TANC2: variants seen among roughly 807,000 people sequenced by gnomAD.
The protein encoded by TANC2 is protein TANC2.
A neutral mutation model predicts 210.5 loss-of-function variants in TANC2; 26 were observed. That is an observed-to-expected ratio of 0.12 (90% CI 0.09 to 0.17). The LOEUF is 0.17. Among genes scored for constraint, TANC2 ranks in the 10% least tolerant of loss-of-function variants. The pLI is 1.00. For missense variants in TANC2, 2,129 were observed against 2,608.9 expected (o/e 0.82, Z 4.01); for synonymous variants, 931 against 967.1 (o/e 0.96, Z 0.69).
At chr17:63,357,277 AC>A (rs1281454375) in intron 14 of TANC2, among the ~76,000 whole-genome samples, 1 of 152,230 alleles carries the variant, frequency 6.6e-6, no homozygotes, top group Non-Finnish European at 1.5e-5. Context: ...CAACCAGACT[AC>A]CACTGAATTA....
intron 9 of TANC2, among the ~76,000 whole-genome samples, chr17:63,279,089 C>T (rs2043981931): frequency 6.6e-6 from 1 of 152,082 alleles, no homozygotes; most frequent in Non-Finnish European, 1.5e-5. Flanking sequence ...TAGCTTTGTG[C>T]TTTAATTAGC....
At chr17:63,106,378 G>A (rs2037823348) in intron 4 of TANC2, among the ~76,000 whole-genome samples, 1 of 151,638 alleles carries the variant, frequency 6.6e-6, no homozygotes, top group Non-Finnish European at 1.5e-5. Context: ...GGGATTTATA[G>A]CTAAGGAGCA....
chr17:63,032,995 A>G (rs1203821362), intron 2 of TANC2, among the ~76,000 whole-genome samples: 4 of 152,160 alleles, frequency 2.6e-5, no homozygotes, highest in Admixed American at 1.3e-4. Context: ...GCTCACAGAA[A>G]TCAGGAAGAC....
intron 5 of TANC2, among the ~76,000 whole-genome samples, chr17:63,183,405 G>C (rs771687666): frequency 6.6e-6 from 1 of 152,102 alleles, no homozygotes. Flanking sequence ...TGCATTCGTC[G>C]TAATACATTT....
At chr17:63,080,716 G>C (rs1598366190) in intron 3 of TANC2, among the ~76,000 whole-genome samples, 1 of 152,246 alleles carries the variant, frequency 6.6e-6, no homozygotes, top group Admixed American at 6.5e-5. Context: ...AAGTTACAGT[G>C]ATTTCTTTAT....
At chr17:63,084,414 A>G (rs2144743028) in intron 3 of TANC2, among the ~76,000 whole-genome samples, 1 of 151,390 alleles carries the variant, frequency 6.6e-6, no homozygotes, top group East Asian at 1.9e-4. Flanking sequence ...AATTTTATTG[A>G]TCTTTTCAAT....
chr17:63,254,317 A>C (rs1428761921), intron 8 of TANC2, among the ~76,000 whole-genome samples: 2 of 151,618 alleles, frequency 1.3e-5, no homozygotes, highest in Non-Finnish European at 2.9e-5. Context: ...CTGTGTTTTG[A>C]ATGTTGATTT....
intron 1 of TANC2, among the ~76,000 whole-genome samples, chr17:62,969,468 A>G (rs1003417013): frequency 1.1e-4 from 16 of 152,254 alleles, no homozygotes; most frequent in Non-Finnish European, 5.9e-5. Flanking sequence ...ATAGATGTGG[A>G]TAAACCTGGA....
At position 63,420,720 on chromosome 17, in the gene TANC2, C is replaced by T. The variant is rs1011861731; in HGVS notation, c.4990C>T (p.Pro1664Ser). ...TCAGCTTCCTGGCAGACCCAAATCT[C>T]CATTATCCAAAATGGCCCAGCGGCC... The change falls in exon 28 of 28, where the codon CCA (proline) becomes TCA (serine). Residue 1664 changes from proline to serine, a missense_variant. Coordinates refer to ENST00000689528, the Ensembl canonical transcript of TANC2. The surrounding 1 kb of genome is among the most constrained non-coding windows in gnomAD (Gnocchi z 4.2). The T allele has an allele frequency of 1.2e-6, 2 of 1,613,926 alleles. No individual in the cohort carries two copies. The highest frequency in any genetic ancestry group is 2.7e-5 in the African/African-American group (2 of 74,942).
At chr17:63,132,312 C>A (rs572718893) in intron 4 of TANC2, among the ~76,000 whole-genome samples, 1 of 152,058 alleles carries the variant, frequency 6.6e-6, no homozygotes, top group South Asian at 2.1e-4. Flanking sequence ...GTTTAAAAAC[C>A]AGAGGTGGCA....
At chr17:63,040,082 C>G (rs944998778) in intron 2 of TANC2, among the ~76,000 whole-genome samples, 2 of 152,242 alleles carry the variant, frequency 1.3e-5, no homozygotes, top group Non-Finnish European at 2.9e-5. Context: ...GTAGCGCACT[C>G]TGTGGTGAGA....
intron 1 of TANC2, among the ~76,000 whole-genome samples, chr17:62,988,504 A>G (rs939644744): frequency 6.6e-6 from 1 of 152,102 alleles, no homozygotes; most frequent in African/African-American, 2.4e-5. Flanking sequence ...TGCTCACACC[A>G]TAATGAGGTT....
chr17:63,038,063 C>T (rs1363633740), intron 2 of TANC2, among the ~76,000 whole-genome samples: 9 of 152,062 alleles, frequency 5.9e-5, no homozygotes, highest in Admixed American at 5.9e-4. Flanking sequence ...ACAATGATGG[C>T]TAAGAGTCGG....
chr17:63,039,748 T>A (rs1368092469), intron 2 of TANC2, among the ~76,000 whole-genome samples: 2 of 152,182 alleles, frequency 1.3e-5, no homozygotes, highest in African/African-American at 4.8e-5. Context: ...TTCAGCTGTT[T>A]TAATATTTGA....
At chr17:63,246,361 G>A (rs1055805584) in intron 8 of TANC2, among the ~76,000 whole-genome samples, 1 of 151,518 alleles carries the variant, frequency 6.6e-6, no homozygotes, top group African/African-American at 2.4e-5. Flanking sequence ...CCCATTTCAA[G>A]TGTACAATTC....
At chr17:63,033,538 A>G (rs960793462) in intron 2 of TANC2, among the ~76,000 whole-genome samples, 5 of 152,156 alleles carry the variant, frequency 3.3e-5, no homozygotes, top group Admixed American at 6.6e-5. Context: ...TGAGGAAACT[A>G]TAAGGGTTTT....
chr17:63,308,158 G>A (rs769032802), intron 9 of TANC2, among the ~76,000 whole-genome samples: 2 of 152,168 alleles, frequency 1.3e-5, no homozygotes, highest in Non-Finnish European at 2.9e-5. Flanking sequence ...ATAACAGAAA[G>A]AAAGCAGGAA....
chr17:63,237,963 A>T, exon 8 of TANC2: 2 of 1,588,002 alleles, frequency 1.3e-6, no homozygotes, highest in South Asian at 1.2e-5. Context: ...TGAAAACATG[A>T]CTGCTTCCAC....
chr17:63,139,036 G>C (rs1209684149), intron 4 of TANC2, among the ~76,000 whole-genome samples: 2 of 152,160 alleles, frequency 1.3e-5, no homozygotes, highest in African/African-American at 4.8e-5. Context: ...CTTCTGAAAA[G>C]ATGGCAAAAA....
Sources: allele counts gnomAD v4.1 joint callset (sites outside exome capture counted in the v4.1 genomes callset), GRCh38; gene constraint gnomAD v4.1.1; non-coding constraint Gnocchi (gnomAD v3.1); transcripts MANE v1.5; gene names NCBI Gene and HGNC (gene_info 2026-07-23, HGNC 2026-07-21).